The following DTNB variants were observed in gnomAD, a reference collection of about 807,000 sequenced individuals.
DTNB encodes the protein DTN-B.
Under a neutral mutation model 90.7 loss-of-function variants are expected in DTNB, and 63 were observed. The observed-to-expected ratio is 0.69, with a 90% confidence interval of 0.57 to 0.86. The LOEUF (loss-of-function observed/expected upper bound fraction) is 0.86. DTNB is among the 40% of genes least tolerant of loss of function. The pLI, the probability that DTNB is intolerant of heterozygous loss-of-function variation, is 0.00. For missense variants in DTNB, 744 were observed against 807.1 expected, an observed-to-expected ratio of 0.92 and a Z score of 0.95; for synonymous variants, 277 against 286.7, an observed-to-expected ratio of 0.97 and a Z score of 0.34.
At chr2:25,419,328 T>C (rs990077959) in intron 16 of DTNB, 187 bp downstream of exon 16, 11 of 820,766 alleles carry the variant, frequency 1.3e-5, no homozygotes, top group Non-Finnish European at 2.2e-5. Flanking sequence ...GAACATGCTC[T>C]ACTGGGTAAA....
chr2:25,597,775 G>A (rs929803946), intron 5 of DTNB, among the ~76,000 whole-genome samples: 2 of 152,146 alleles, frequency 1.3e-5, no homozygotes, highest in South Asian at 2.1e-4. Context: ...AAGTGCAAGC[G>A]CTCTGTTAGG....
At chr2:25,489,299 C>A (rs1047247094) in intron 9 of DTNB, among the ~76,000 whole-genome samples, 7 of 152,114 alleles carry the variant, frequency 4.6e-5, no homozygotes, top group African/African-American at 7.2e-5. Flanking sequence ...CTGTATATTT[C>A]TTTCATTTAT....
intron 9 of DTNB, among the ~76,000 whole-genome samples, chr2:25,511,640 T>G (rs2073974950): frequency 6.6e-6 from 1 of 152,206 alleles, no homozygotes; most frequent in South Asian, 2.1e-4. Flanking sequence ...TCGGGTTACT[T>G]TTTTAATGCT....
chr2:25,628,045 C>T, intron 4 of DTNB, 126 bp downstream of exon 4: 2 of 1,046,410 alleles, frequency 1.9e-6, no homozygotes, highest in East Asian at 2.6e-5. Flanking sequence ...CAATAATTTC[C>T]CTTTTAATCA....
At chr2:25,451,430 T>C in intron 12 of DTNB, 118 bp downstream of exon 12, 1 of 1,080,072 alleles carries the variant, frequency 9.3e-7, no homozygotes, top group African/African-American at 1.6e-5. Context: ...TGTGGAAAAG[T>C]GGAAAGTGTC....
intron 16 of DTNB, among the ~76,000 whole-genome samples, chr2:25,396,731 T>TAAAAAAAAAAAAAAAAAAAAA (rs35592591): frequency 2.3e-5 from 2 of 87,626 alleles, no homozygotes; most frequent in Non-Finnish European, 4.4e-5. Context: ...TAAAAGGAAC[T>TAAAAAAAAAAAAAAAAAAAAA]AAAAAAAAAA....
At chr2:25,635,231 G>A (rs2076892552) in intron 3 of DTNB, among the ~76,000 whole-genome samples, 1 of 151,928 alleles carries the variant, frequency 6.6e-6, no homozygotes, top group African/African-American at 2.4e-5. Flanking sequence ...CCAGGAGTTC[G>A]AGACCAGCCT....
At chr2:25,548,935 G>C (rs2083019077) in intron 8 of DTNB, among the ~76,000 whole-genome samples, 1 of 152,180 alleles carries the variant, frequency 6.6e-6, no homozygotes, top group Admixed American at 6.6e-5. Flanking sequence ...ATGTTACTAA[G>C]AGCAGGATAA....
chr2:25,563,628 A>G (rs1427072804), intron 8 of DTNB, among the ~76,000 whole-genome samples: 1 of 152,170 alleles, frequency 6.6e-6, no homozygotes, highest in African/African-American at 2.4e-5. Flanking sequence ...CGTGTTTCAT[A>G]TGGTATAAGG....
At chr2:25,493,727 C>T (rs762307039) in intron 9 of DTNB, among the ~76,000 whole-genome samples, 2 of 152,176 alleles carry the variant, frequency 1.3e-5, no homozygotes, top group Non-Finnish European at 2.9e-5. Context: ...CAAAAATCCA[C>T]GGCCTATTCA....
At chr2:25,669,070 G>A (rs2085197565) in intron 1 of DTNB, among the ~76,000 whole-genome samples, 1 of 152,204 alleles carries the variant, frequency 6.6e-6, no homozygotes, top group Non-Finnish European at 1.5e-5. Flanking sequence ...ACCTAGAGTA[G>A]TCGAATTCAT....
At chr2:25,506,021 A>ACT (rs1376260419) in intron 9 of DTNB, among the ~76,000 whole-genome samples, 1 of 152,228 alleles carries the variant, frequency 6.6e-6, no homozygotes, top group African/African-American at 2.4e-5. Flanking sequence ...TTATATGTTA[A>ACT]CTGAAATAAG....
chr2:25,453,017 T>C (rs2059499407), intron 11 of DTNB, among the ~76,000 whole-genome samples: 1 of 151,978 alleles, frequency 6.6e-6, no homozygotes, highest in South Asian at 2.1e-4. Flanking sequence ...GGTATTTGTC[T>C]GAAATAAGAG....
At chr2:25,489,067 A>T (rs2150440732) in intron 9 of DTNB, among the ~76,000 whole-genome samples, 1 of 152,352 alleles carries the variant, frequency 6.6e-6, no homozygotes, top group South Asian at 2.1e-4. Flanking sequence ...GGGGAGACAC[A>T]TCTCCTATTA....
chr2:25,606,465 C>A lies in DTNB; in HGVS notation c.448+771G>T, dbSNP rs76306143. 5.3e-5 allele frequency among the ~76,000 whole-genome samples: 8 copies of A among 152,240 alleles called. No homozygotes were observed. The East Asian group carries it at 1.5e-3, about 29-fold the overall frequency. ...CATCTGAGTTAAAACCCCAGCTTTG[C>A]CCCCTTGGTTAACTCATCGATAAAA... On this transcript the variant is annotated intron_variant, in intron 5 of 20. Transcript: ENST00000406818.
intron 5 of DTNB, among the ~76,000 whole-genome samples, chr2:25,601,484 A>G (rs2065867374): frequency 1.3e-5 from 2 of 152,234 alleles, no homozygotes; most frequent in Admixed American, 6.5e-5. Context: ...AAAAAATGCT[A>G]GTGAGCCACC....
At chr2:25,494,705 G>C (rs796797206) in intron 9 of DTNB, among the ~76,000 whole-genome samples, 4 of 152,246 alleles carry the variant, frequency 2.6e-5, no homozygotes, top group African/African-American at 9.6e-5. Flanking sequence ...TTTCTGCCCA[G>C]AATCTCACAG....
intron 8 of DTNB, among the ~76,000 whole-genome samples, chr2:25,539,902 G>C (rs1174634528): frequency 6.6e-6 from 1 of 151,968 alleles, no homozygotes; most frequent in African/African-American, 2.4e-5. Context: ...ATAGGCATCA[G>C]GAAATAATCC....
chr2:25,636,553 C>G (rs1339670459), intron 3 of DTNB, among the ~76,000 whole-genome samples: 1 of 152,056 alleles, frequency 6.6e-6, no homozygotes, highest in East Asian at 1.9e-4. Flanking sequence ...TGACCACGAG[C>G]ACAGAAATAT....
Sources: allele counts gnomAD v4.1 joint callset (sites outside exome capture counted in the v4.1 genomes callset), GRCh38; gene constraint gnomAD v4.1.1; transcripts MANE v1.5; gene names NCBI Gene and HGNC (gene_info 2026-07-23, HGNC 2026-07-21).